TMCO6: variants seen among roughly 807,000 people sequenced by gnomAD.
TMCO6 encodes transmembrane and coiled-coil domains 6.
A neutral mutation model predicts 61.8 loss-of-function variants in TMCO6; 47 were observed. The observed-to-expected ratio is 0.76, with a 90% CI of 0.60 to 0.97. The LOEUF (loss-of-function observed/expected upper bound fraction) is 0.97, where lower values mean the gene tolerates loss of function less well. Ranked by LOEUF, TMCO6 falls within the 50% of genes least tolerant of loss-of-function variation. The probability of loss-of-function intolerance (pLI) is 0.00; values close to 1 mark genes in which losing one functional copy is unlikely to be tolerated. For synonymous variants in TMCO6, 261 were observed against 254.2 expected (o/e 1.03, Z -0.25); for missense variants, 557 against 601.6 (o/e 0.93, Z 0.78).
chr5:140,632,045 C>T, the TMCO6 span: 13 of 1,614,208 alleles, frequency 8.1e-6, no homozygotes, highest in Non-Finnish European at 1.1e-5. The surrounding 1 kb of genome is among the most constrained non-coding windows in gnomAD (Gnocchi z 6.2). Flanking sequence ...CGTCAGGCTG[C>T]GGCGCCCTGT....
chr5:140,615,085 A>G, the TMCO6 span, among the ~76,000 whole-genome samples: 1 of 152,250 alleles, frequency 6.6e-6, no homozygotes, highest in African/African-American at 2.4e-5. Flanking sequence ...TATAACTAAT[A>G]AACAAATTTA....
At chr5:140,607,732 G>T in the TMCO6 span, among the ~76,000 whole-genome samples, 561 of 149,418 alleles carry the variant, frequency 3.8e-3, 2 homozygotes, top group African/African-American at 0.013. Flanking sequence ...TTTTATTGTT[G>T]TTGATTAGTG....
chr5:140,632,261 G>T, the TMCO6 span: 1 of 1,613,628 alleles, frequency 6.2e-7, no homozygotes, highest in Non-Finnish European at 8.5e-7. This position sits in a 1 kb window ranked among gnomAD's most constrained non-coding sequence, Gnocchi z 6.2. Flanking sequence ...CCAGTGCGGC[G>T]CACACGCCTG....
chr5:140,646,976 C>G, downstream of TMCO6: 1 of 363,334 alleles, frequency 2.8e-6, no homozygotes, highest in Non-Finnish European at 5.0e-6. Flanking sequence ...ACTATATTGA[C>G]TAACTTCTCT....
the TMCO6 span, among the ~76,000 whole-genome samples, chr5:140,604,744 G>A: frequency 2.1e-5 from 3 of 145,004 alleles, no homozygotes; most frequent in African/African-American, 5.1e-5. Flanking sequence ...GTTAATTTTT[G>A]TATATGGAGA....
At position 140,642,918 on chromosome 5, in the gene TMCO6, C is replaced by T. The variant is rs369217443; in HGVS notation, c.690-7C>T. 2.7e-5 allele frequency: 44 copies of T among 1,614,040 alleles called. No homozygotes were observed. The highest frequency in any genetic ancestry group is 3.5e-5 in the Non-Finnish European group (41 of 1,180,036). ...GTTCCTACTTACAGCCCTGCTTCTGCCAGCAGCTCCATCTTGGCCTCCACT... is the reference window on the plus strand; with the variant it reads ...GTTCCTACTTACAGCCCTGCTTCTGTCAGCAGCTCCATCTTGGCCTCCACT... On this transcript the variant is annotated splice_region_variant and splice_polypyrimidine_tract_variant and intron_variant, in intron 6 of 11. Transcript: ENST00000394671.
the TMCO6 span, among the ~76,000 whole-genome samples, chr5:140,618,885 A>C: frequency 6.6e-6 from 1 of 152,196 alleles, no homozygotes; most frequent in East Asian, 1.9e-4. Flanking sequence ...ACAATAACGC[A>C]GGAGAAAATC....
chr5:140,640,492 G>A lies in TMCO6; in HGVS notation c.198+641G>A, dbSNP rs548375309. 3.5e-4 allele frequency among the ~76,000 whole-genome samples: 52 copies of A among 150,092 alleles called. 1 individual carries two copies. In the East Asian group the frequency reaches 9.4e-3, roughly 27 times the overall value. The stretch of plus-strand genomic sequence containing the variant: ...ATGATCTCGGCTCACTGCAACATCC[G>A]CCTCCCGGGTTCAAGCGATTCTCCT... On this transcript the variant is annotated intron_variant, in intron 2 of 11. Coordinates refer to ENST00000394671, the MANE Select transcript of TMCO6 (RefSeq NM_018502.5).
chr5:140,639,999 T>C (rs963449417), intron 2 of TMCO6, 148 bp downstream of exon 2: 1 of 664,408 alleles, frequency 1.5e-6, no homozygotes. Context: ...GGAATCATCC[T>C]GCACAACTCT....
chr5:140,632,390 G>A, the TMCO6 span: 7 of 1,614,162 alleles, frequency 4.3e-6, no homozygotes, highest in South Asian at 1.1e-5. This position sits in a 1 kb window ranked among gnomAD's most constrained non-coding sequence, Gnocchi z 6.2. Flanking sequence ...ACAGGTCTAG[G>A]CTGGTAAGGG....
upstream of TMCO6, among the ~76,000 whole-genome samples, chr5:140,637,272 A>G (rs917195539): frequency 2.0e-5 from 3 of 152,208 alleles, no homozygotes; most frequent in African/African-American, 4.8e-5. Context: ...GTCGGCCACA[A>G]TTCCAATTTT....
chr5:140,615,384 A>G, the TMCO6 span, among the ~76,000 whole-genome samples: 1 of 152,216 alleles, frequency 6.6e-6, no homozygotes, highest in African/African-American at 2.4e-5. Flanking sequence ...ATCTACAGAT[A>G]CAATGCATTT....
the TMCO6 span, among the ~76,000 whole-genome samples, chr5:140,600,274 G>C: frequency 7.2e-5 from 11 of 152,250 alleles, no homozygotes; most frequent in South Asian, 2.3e-3. Context: ...TTATTGCTGG[G>C]TGGCACTCAC....
the TMCO6 span, among the ~76,000 whole-genome samples, chr5:140,630,797 C>T: frequency 6.6e-6 from 1 of 152,174 alleles, no homozygotes; most frequent in Non-Finnish European, 1.5e-5. Context: ...TTTCCATTCC[C>T]TATTCCTATC....
chr5:140,636,221 C>T (rs1268351130), upstream of TMCO6, among the ~76,000 whole-genome samples: 2 of 152,198 alleles, frequency 1.3e-5, no homozygotes, highest in Non-Finnish European at 2.9e-5. Flanking sequence ...TGGTCTCGAA[C>T]TCCTGACCTC....
chr5:140,624,116 C>T, the TMCO6 span, among the ~76,000 whole-genome samples: 1 of 152,050 alleles, frequency 6.6e-6, no homozygotes, highest in Non-Finnish European at 1.5e-5. Context: ...CCTGTAATCC[C>T]AGCACTGTGG....
rs1433414307 is a variant in TMCO6, at chr5:140,642,958, G to A, written c.723G>A (p.Met241Ile). ...TGGCCTCCACTCTCCCTCAGCACAT[G>A]CTACAAATGTTGCAACCTGGCCCAA... The part of the protein sequence containing the change: ...SILASTLPQH[M>I]LQMLQPGPKL... The change falls in exon 7 of 12, where the codon ATG (methionine) becomes ATA (isoleucine). Residue 241 changes from methionine to isoleucine, a missense_variant. Met to Ile is a conservative substitution (Grantham distance 10, BLOSUM62 1). Transcript: ENST00000394671. 1 of 1,614,178 alleles carries A rather than the reference G, an allele frequency of 6.2e-7. No individual in the cohort carries two copies. The highest frequency in any genetic ancestry group is 8.5e-7 in the Non-Finnish European group (1 of 1,180,030).
At chr5:140,634,028 T>C in the TMCO6 span, among the ~76,000 whole-genome samples, 8 of 152,254 alleles carry the variant, frequency 5.3e-5, no homozygotes, top group African/African-American at 1.2e-4. Flanking sequence ...GACCTTGTGA[T>C]CCACCCGCCT....
At chr5:140,620,441 A>C in the TMCO6 span, among the ~76,000 whole-genome samples, 3 of 152,178 alleles carry the variant, frequency 2.0e-5, no homozygotes, top group Non-Finnish European at 2.9e-5. Context: ...ATGATGATAT[A>C]ATGGTGGGTA....
Sources: gnomAD v4.1 joint callset for allele counts (sites outside exome capture counted in the v4.1 genomes callset) on GRCh38, gnomAD v4.1.1 for gene constraint, Gnocchi (gnomAD v3.1) non-coding constraint, MANE v1.5 for transcripts, NCBI Gene and HGNC (gene_info 2026-07-23, HGNC 2026-07-21) for gene names.